Variants in ZNF486 observed in about 807,000 individuals in gnomAD.
ZNF486 encodes KRAB box only protein 2.
ZNF486 carries 12 observed loss-of-function variants against 12.8 expected under a neutral mutation model. The observed-to-expected ratio is 0.94, with a 90% CI of 0.60 to 1.52. The LOEUF (loss-of-function observed/expected upper bound fraction) is 1.52. Among genes scored for constraint, ZNF486 ranks in the 40% most tolerant of loss-of-function variants. ZNF486 has a pLI of 0.00. For missense variants in ZNF486, 738 were observed against 545.0 expected, an observed-to-expected ratio of 1.35 and a Z score of -3.53; for synonymous variants, 231 against 184.9, an observed-to-expected ratio of 1.25 and a Z score of -2.02.
At chr19:20,175,568 C>CA in intron 1 of ZNF486, among the ~76,000 whole-genome samples, 1 of 151,610 alleles carries the variant, frequency 6.6e-6, no homozygotes, top group African/African-American at 2.4e-5. Flanking sequence ...ATCTGTTTAA[C>CA]AAAGCACATC....
intron 1 of ZNF486, among the ~76,000 whole-genome samples, chr19:20,177,418 G>A (rs538856433): frequency 2.6e-5 from 4 of 152,306 alleles, no homozygotes; most frequent in East Asian, 1.9e-4. Context: ...TACACAGATG[G>A]CCTCTTCAAT....
In ZNF486 at chr19:20,197,746, G is replaced by A; in HGVS notation, c.1036G>A (p.Gly346Arg). ...TAGTAAACATGAGAAGATTCATACG[G>A]GAGAGAAACCCTACAAATGTGAAGA... is the stretch of plus-strand genomic sequence containing the variant. Reference protein sequence around the residue: ...ILSKHEKIHTGEKPYKCEECG... With the variant: ...ILSKHEKIHTREKPYKCEECG... Residue 346 changes from glycine to arginine, a missense_variant, in exon 4 of 4, where the codon GGA becomes AGA. By Grantham distance (125) the Gly-to-Arg change is moderately radical (BLOSUM62 -2). Transcript: ENST00000335117. The A allele has an allele frequency of 6.2e-7, 1 of 1,612,894 alleles. No homozygotes were observed. Among genetic ancestry groups the A allele is most frequent in the African/African-American group, 1.3e-5 (1 of 74,664 alleles).
Position 20,197,071 on chromosome 19 carries a change from C to T in ZNF486, c.361C>T (p.His121Tyr). The T allele has an allele frequency of 6.2e-7, 1 of 1,612,108 alleles. No homozygotes were observed. The change falls in exon 4 of 4, where the codon CAC becomes TAC. Residue 121 changes from histidine (H) to tyrosine (Y), a missense_variant. By Grantham distance (83) the His-to-Tyr change is moderately conservative. Coordinates refer to ENST00000335117, the MANE Select transcript of ZNF486 (RefSeq NM_052852.4). ...TGAAAAATGTGGACATGGCAATTTA[C>T]ACTTTAAAAAAGGCTGTGAAAGTGT... is the stretch of plus-strand genomic sequence containing the variant. The part of the protein sequence containing the change: ...KFEKCGHGNL[H>Y]FKKGCESVDE...
intron 1 of ZNF486, among the ~76,000 whole-genome samples, chr19:20,170,810 C>T (rs2089640463): frequency 6.6e-6 from 1 of 152,058 alleles, no homozygotes; most frequent in Non-Finnish European, 1.5e-5. Context: ...TTCATCTTTC[C>T]TCATGTCTTT....
chr19:20,170,787 A>T (rs1411870017), intron 1 of ZNF486, among the ~76,000 whole-genome samples: 2 of 152,104 alleles, frequency 1.3e-5, no homozygotes, highest in African/African-American at 4.8e-5. Context: ...GTTTTCCATG[A>T]TTATCTATGT....
intron 1 of ZNF486, among the ~76,000 whole-genome samples, chr19:20,170,610 T>C (rs73538098): frequency 1.3e-5 from 2 of 151,798 alleles, no homozygotes; most frequent in African/African-American, 2.4e-5. Flanking sequence ...TGAAGACATA[T>C]TCAGCTGATT....
chr19:20,177,065 T>C (rs527638963), intron 1 of ZNF486: 26 of 152,388 alleles, frequency 1.7e-4, no homozygotes, highest in African/African-American at 6.3e-4. Flanking sequence ...CTCCTGCAGC[T>C]CAGGCCTCAC....
In ZNF486 at chr19:20,182,094, G is replaced by C. The variant is rs983546155; in HGVS notation, c.31-2262G>C. Among the ~76,000 whole-genome samples the C allele has an allele frequency of 2.0e-5, 3 of 152,324 alleles. No homozygotes were observed. The South Asian group carries it at 6.2e-4, about 32-fold the overall frequency. ...GAAGCATATAAAACTTTAGGGTGGA[G>C]ATGCGTTGTCCCTATTTGTATCAGA... On this transcript the variant is annotated intron_variant, in intron 1 of 3. Transcript: ENST00000335117.
chr19:20,194,928 AAATT>A (rs1338332873), intron 3 of ZNF486, among the ~76,000 whole-genome samples: 2 of 152,058 alleles, frequency 1.3e-5, no homozygotes, highest in Non-Finnish European at 2.9e-5. Context: ...TTCTTTTAAT[AAATT>A]TTTCAGTTTT....
At chr19:20,181,419 G>A (rs2089784102) in intron 1 of ZNF486, among the ~76,000 whole-genome samples, 1 of 152,002 alleles carries the variant, frequency 6.6e-6, no homozygotes, top group South Asian at 2.1e-4. Context: ...GGCGCCTGTA[G>A]TCCCAGCTAC....
intron 1 of ZNF486, among the ~76,000 whole-genome samples, chr19:20,179,489 T>C: frequency 6.6e-6 from 1 of 152,202 alleles, no homozygotes; most frequent in South Asian, 2.1e-4. Flanking sequence ...ACCTTTTTTT[T>C]AAATGTAGAC....
At position 20,197,301 on chromosome 19, in the gene ZNF486, T is replaced by C. The variant is rs782481983; in HGVS notation, c.591T>C (p.His197=). Residue 197 remains histidine (H), a synonymous_variant, in exon 4 of 4, where the codon CAT becomes CAC. Transcript: ENST00000335117. The stretch of plus-strand genomic sequence containing the variant: ...AAGCTTTTAACCAGTCCTCAACCCA[T>C]ACTACACATAAAAAAATTGATACTG... The part of the protein sequence containing the change: ...GDKAFNQSST[H]TTHKKIDTGE... 1.9e-6 allele frequency: 3 copies of C among 1,612,302 alleles called. 1 individual carries two copies. Among genetic ancestry groups the C allele is most frequent in the Admixed American group, 3.3e-5 (2 of 59,702 alleles).
chr19:20,172,750 C>T (rs2089663191), intron 1 of ZNF486, among the ~76,000 whole-genome samples: 1 of 151,710 alleles, frequency 6.6e-6, no homozygotes, highest in Admixed American at 6.6e-5. Flanking sequence ...AGTGATTCTC[C>T]TGCCTCAGCC....
At chr19:20,168,537 C>T (rs1456450205) in intron 1 of ZNF486, among the ~76,000 whole-genome samples, 1 of 151,920 alleles carries the variant, frequency 6.6e-6, no homozygotes, top group African/African-American at 2.4e-5. Flanking sequence ...GCCTGTAATC[C>T]CAGCTACTCG....
chr19:20,167,752 A>G (rs1485951463), intron 1 of ZNF486, among the ~76,000 whole-genome samples: 2 of 151,960 alleles, frequency 1.3e-5, no homozygotes, highest in African/African-American at 4.8e-5. Flanking sequence ...TTTTGTTAAA[A>G]ATTTATGGGG....
intron 1 of ZNF486, 77 bp downstream of exon 1, chr19:20,167,437 TCC>T: frequency 6.6e-7 from 1 of 1,514,316 alleles, no homozygotes; most frequent in African/African-American, 1.4e-5. Flanking sequence ...GACTCAGGCC[TCC>T]CCGTAGTCAG....
At chr19:20,188,353 C>T (rs1416643270) in intron 3 of ZNF486, 1 of 396,964 alleles carries the variant, frequency 2.5e-6, no homozygotes, top group Non-Finnish European at 4.4e-6. Context: ...GTTTTAAAAA[C>T]ACATAACATA....
Position 20,197,307 on chromosome 19 carries a change from A to G in ZNF486, c.597A>G (p.Thr199=). 1.2e-6 allele frequency: 2 copies of G among 1,612,302 alleles called. No homozygotes were observed. The highest frequency in any genetic ancestry group is 1.7e-6 in the Non-Finnish European group (2 of 1,179,392). ...TTAACCAGTCCTCAACCCATACTAC[A>G]CATAAAAAAATTGATACTGGAGAGA... ...KAFNQSSTHT[T]HKKIDTGEKP... is the part of the protein sequence containing the mutation. The change falls in exon 4 of 4, where the codon ACA becomes ACG. Residue 199 remains threonine, a synonymous_variant. Coordinates refer to ENST00000335117, the MANE Select transcript of ZNF486 (RefSeq NM_052852.4).
chr19:20,196,241 C>T (rs2089957180), intron 3 of ZNF486, among the ~76,000 whole-genome samples: 1 of 152,138 alleles, frequency 6.6e-6, no homozygotes, highest in Non-Finnish European at 1.5e-5. Context: ...GTCTCAAACT[C>T]CTGACCTCAG....
Sources: gnomAD v4.1 joint callset for allele counts (sites outside exome capture counted in the v4.1 genomes callset) on GRCh38, gnomAD v4.1.1 for gene constraint, MANE v1.5 for transcripts, NCBI Gene and HGNC (gene_info 2026-07-23, HGNC 2026-07-21) for gene names.